NKTR: variants seen among roughly 807,000 people sequenced by gnomAD.
NKTR encodes the protein NK-tumor recognition protein.
Under a neutral mutation model 156.3 loss-of-function variants are expected in NKTR, and 67 were observed. The observed-to-expected ratio is 0.43, with a 90% CI of 0.35 to 0.53. NKTR has a LOEUF of 0.53. Among genes scored for constraint, NKTR ranks in the 20% least tolerant of loss-of-function variants. The pLI, the probability that NKTR is intolerant of heterozygous loss-of-function variation, is 0.01. For synonymous variants in NKTR, 640 were observed against 596.6 expected, an observed-to-expected ratio of 1.07 and a Z score of -1.06; for missense variants, 1,604 against 1,730.9, an observed-to-expected ratio of 0.93 and a Z score of 1.30.
At chr3:42,613,996 A>G (rs1341374699) in intron 2 of NKTR, among the ~76,000 whole-genome samples, 1 of 152,194 alleles carries the variant, frequency 6.6e-6, no homozygotes, top group Non-Finnish European at 1.5e-5. Flanking sequence ...AACTATGTAT[A>G]AGAATATTAT....
At chr3:42,621,334 A>G in intron 5 of NKTR, 95 bp from the exon 6 acceptor site, 2 of 1,477,490 alleles carry the variant, frequency 1.4e-6, no homozygotes, top group South Asian at 1.4e-5. Flanking sequence ...TGACCAGAAG[A>G]GGAATTTCAT....
At chr3:42,612,183 G>A (rs2125770658) in intron 2 of NKTR, 1 of 152,150 alleles carries the variant, frequency 6.6e-6, no homozygotes, top group Non-Finnish European at 1.5e-5. Flanking sequence ...GCAGTACAGT[G>A]TGCATAATCT....
At chr3:42,608,941 CGTG>C (rs991462251) in intron 2 of NKTR, among the ~76,000 whole-genome samples, 5 of 152,052 alleles carry the variant, frequency 3.3e-5, no homozygotes, top group Non-Finnish European at 5.9e-5. Flanking sequence ...GCCTGGCCAA[CGTG>C]GTGAAACCCT....
chr3:42,638,085 G>T lies in NKTR; in HGVS notation c.2381G>T (p.Cys794Phe), dbSNP rs767075765. The T allele has an allele frequency of 6.2e-7, 1 of 1,614,166 alleles. No individual in the cohort carries two copies. Among genetic ancestry groups the T allele is most frequent in the South Asian group, 1.1e-5 (1 of 91,086 alleles). The change falls in exon 13 of 17, where the codon TGT becomes TTT. Residue 794 changes from cysteine (C) to phenylalanine (F), a missense_variant. By Grantham distance (205) the Cys-to-Phe change is radical. Transcript: ENST00000232978. ...GTCAAAGGTAGAGACAGGTCTTCATGTGTGAGAAAGTATAGCGAGAGCAGA... is the reference window on the plus strand; with the variant it reads ...GTCAAAGGTAGAGACAGGTCTTCATTTGTGAGAAAGTATAGCGAGAGCAGA... ...KYVKGRDRSS[C>F]VRKYSESRSS...
At chr3:42,629,561 T>C (rs1272153648) in intron 6 of NKTR, 2 of 984,354 alleles carry the variant, frequency 2.0e-6, no homozygotes, top group South Asian at 4.7e-5. Context: ...TCTAGTACAG[T>C]TGACTGCTTT....
intron 6 of NKTR, among the ~76,000 whole-genome samples, chr3:42,623,116 A>G (rs1708061269): frequency 6.6e-6 from 1 of 151,928 alleles, no homozygotes; most frequent in South Asian, 2.1e-4. Context: ...TTTTTATTTT[A>G]TTTAGTACTT....
chr3:42,607,894 T>C (rs1016560401), intron 2 of NKTR, among the ~76,000 whole-genome samples: 2 of 146,970 alleles, frequency 1.4e-5, no homozygotes, highest in African/African-American at 5.0e-5. Flanking sequence ...AGTGTCATAT[T>C]CCACAAGTTA....
chr3:42,632,960 C>A (rs1408410548), intron 9 of NKTR, 137 bp downstream of exon 9: 3 of 1,320,716 alleles, frequency 2.3e-6, no homozygotes, highest in East Asian at 2.9e-5. Context: ...AAATTGAAAT[C>A]TGGCAAATCT....
Position 42,619,048 on chromosome 3 carries a change from G to C in NKTR, c.162G>C (p.Gly54=), listed in dbSNP as rs1181329631. 8 of 1,602,408 alleles carry C rather than the reference G, an allele frequency of 5.0e-6. No individual in the cohort carries two copies. Among genetic ancestry groups the C allele is most frequent in the Non-Finnish European group, 6.8e-6 (8 of 1,176,176 alleles). Residue 54 remains glycine (G), a synonymous_variant, in exon 4 of 17, where the codon GGG becomes GGC. Coordinates refer to ENST00000232978, the MANE Select transcript of NKTR (RefSeq NM_005385.4). The part of the protein sequence containing the change: ...SGEKGLGKTT[G]KKLCYKGSTF... ...AGAAAGGCCTTGGGAAAACAACTGG[G>C]AAGAAGTTATGTTATAAAGGTTCTA...
rs760445551 is a variant in NKTR, at chr3:42,639,342, T to G, written c.3638T>G (p.Val1213Gly). 1.2e-6 allele frequency: 2 copies of G among 1,613,126 alleles called. No individual in the cohort carries two copies. Among genetic ancestry groups the G allele is most frequent in the Non-Finnish European group, 1.7e-6 (2 of 1,179,340 alleles). The change falls in exon 13 of 17, where the codon GTG becomes GGG. Residue 1213 changes from valine (V) to glycine (G), a missense_variant. By Grantham distance (109) the Val-to-Gly change is moderately radical. Around this residue, in one of 6 missense-constraint regions of NKTR, gnomAD observed 1,255 missense variants for 1,243.7 expected, o/e 1.01. Coordinates refer to ENST00000232978, the MANE Select transcript of NKTR (RefSeq NM_005385.4). ...SAGESTGKKE[V>G]AEKSQINLID... The stretch of plus-strand genomic sequence containing the variant: ...GGAGAAAGTACCGGGAAGAAGGAGG[T>G]GGCTGAGAAGAGCCAGATCAACCTC...
rs1390216784 is a variant in NKTR, at chr3:42,639,462, C to T, written c.3758C>T (p.Thr1253Ile). Residue 1253 changes from threonine to isoleucine, a missense_variant, in exon 13 of 17, where the codon ACT (threonine) becomes ATT (isoleucine). By Grantham distance (89) the Thr-to-Ile change is moderately conservative. Around this residue, in one of 6 missense-constraint regions of NKTR, gnomAD observed 1,255 missense variants for 1,243.7 expected, o/e 1.01. Coordinates refer to ENST00000232978, the MANE Select transcript of NKTR (RefSeq NM_005385.4). Reference protein sequence around the residue: ...SSAVEVKVLTTVPEMKPQGLR... With the variant: ...SSAVEVKVLTIVPEMKPQGLR... ...GCTGTGGAAGTTAAGGTGTTGACCA[C>T]TGTGCCTGAAATGAAACCACAAGGC... 7 of 1,614,186 alleles carry T rather than the reference C, an allele frequency of 4.3e-6. No homozygotes were observed. The South Asian group carries it at 4.4e-5, about 10-fold the overall frequency.
chr3:42,606,609 G>C (rs1243680564), intron 2 of NKTR, among the ~76,000 whole-genome samples: 1 of 152,162 alleles, frequency 6.6e-6, no homozygotes, highest in African/African-American at 2.4e-5. Context: ...ATTGAAGCCT[G>C]ATTCTTAATT....
At position 42,637,686 on chromosome 3, in the gene NKTR, C is replaced by T. The variant is rs150445482; in HGVS notation, c.1982C>T (p.Ser661Leu). Residue 661 changes from serine (S) to leucine (L), a missense_variant, in exon 13 of 17, where the codon TCA (serine) becomes TTA (leucine). Around this residue, in one of 6 missense-constraint regions of NKTR, gnomAD observed 1,255 missense variants for 1,243.7 expected, o/e 1.01. Transcript: ENST00000232978. Reference sequence around the variant, plus strand: ...GCAAATATTAAAGAGACTGGTAGCTCATCATCCTACCATAAAAGAGAAAAA... The same window carrying T: ...GCAAATATTAAAGAGACTGGTAGCTTATCATCCTACCATAAAAGAGAAAAA... ...SLANIKETGS[S>L]SSYHKREKNS... is the part of the protein sequence containing the mutation. 2.5e-6 allele frequency: 4 copies of T among 1,613,988 alleles called. No individual in the cohort carries two copies. The highest frequency in any genetic ancestry group is 1.7e-5 in the Admixed American group (1 of 59,988).
intron 6 of NKTR, among the ~76,000 whole-genome samples, chr3:42,622,464 C>T (rs1708005642): frequency 1.3e-5 from 2 of 151,936 alleles, no homozygotes; most frequent in South Asian, 2.1e-4. Context: ...GTATGAATGG[C>T]GCTTCCCTGT....
chr3:42,619,736 G>GT, intron 5 of NKTR, 28 bp downstream of exon 5: 1 of 1,606,300 alleles, frequency 6.2e-7, no homozygotes, highest in South Asian at 1.1e-5. Context: ...ACGGTCTTTT[G>GT]TTTCAGTTCT....
At position 42,648,691 on chromosome 3, in the gene NKTR, C is replaced by G. The variant is rs1710498134; in HGVS notation, c.*2716C>G. ...ACACTTCAGTTAAATTTCCCTAAAA[C>G]TTGAAAGGGGACCTTGTAGAAATTA... On this transcript the variant is annotated 3_prime_UTR_variant, in exon 17 of 17. Transcript: ENST00000232978. 1 of 152,650 alleles carries G rather than the reference C, an allele frequency of 6.6e-6. No homozygotes were observed. The allele number at this position is 152,650 out of a possible 1,614,324, so 9.5% of individuals were successfully genotyped here.
intron 13 of NKTR, among the ~76,000 whole-genome samples, chr3:42,641,060 G>T (rs1426004139): frequency 6.6e-6 from 1 of 152,202 alleles, no homozygotes; most frequent in Non-Finnish European, 1.5e-5. Flanking sequence ...GCGTAGAAAG[G>T]CTAAGGGACT....
intron 7 of NKTR, 178 bp downstream of exon 7, chr3:42,630,753 G>A: frequency 7.1e-7 from 1 of 1,404,066 alleles, no homozygotes; most frequent in East Asian, 2.6e-5. Flanking sequence ...GCTCTCATGT[G>A]ACTGAAGGAG....
intron 6 of NKTR, chr3:42,629,370 T>G (rs1559572971): frequency 3.2e-6 from 3 of 948,772 alleles, no homozygotes; most frequent in Non-Finnish European, 3.8e-6. Context: ...CATTTTAATT[T>G]TTTTAAATTA....
Sources: allele counts gnomAD v4.1 joint callset (sites outside exome capture counted in the v4.1 genomes callset), GRCh38; gene constraint gnomAD v4.1.1; regional missense constraint gnomAD v4.1.1; transcripts MANE v1.5; gene names NCBI Gene and HGNC (gene_info 2026-07-23, HGNC 2026-07-21).